Variants in NCEH1 observed in about 807,000 individuals in gnomAD.
The protein encoded by NCEH1 is neutral cholesterol ester hydrolase 1, also known as 2-acetyl MAGE hydrolase.
A neutral mutation model predicts 25.4 loss-of-function variants in NCEH1; 9 were observed. That is an observed-to-expected ratio of 0.35 (90% CI 0.21 to 0.62). NCEH1 has a LOEUF of 0.62. Ranked by LOEUF, NCEH1 falls within the 20% of genes least tolerant of loss-of-function variation. NCEH1 has a pLI of 0.72. For missense variants in NCEH1, 412 were observed against 501.1 expected (o/e 0.82, Z 1.70); for synonymous variants, 200 against 199.8 (o/e 1.00, Z -0.01).
At chr3:172,653,767 T>TTTTTTTTG (rs1560186672) in intron 1 of NCEH1, among the ~76,000 whole-genome samples, 10 of 84,790 alleles carry the variant, frequency 1.2e-4, no homozygotes, top group Middle Eastern at 6.0e-3. Context: ...TTTGTTTTTT[T>TTTTTTTTG]TTTTTTTTGA....
intron 1 of NCEH1, among the ~76,000 whole-genome samples, chr3:172,693,315 T>A (rs1156557483): frequency 6.6e-6 from 1 of 152,168 alleles, no homozygotes; most frequent in Admixed American, 6.5e-5. Flanking sequence ...AACTTCAACA[T>A]CTATAAAAAG....
chr3:172,682,666 C>G (rs895045505), intron 1 of NCEH1, among the ~76,000 whole-genome samples: 4 of 152,218 alleles, frequency 2.6e-5, no homozygotes, highest in South Asian at 2.1e-4. Flanking sequence ...ACCTTCAACA[C>G]TCCTATTTAT....
chr3:172,653,554 G>T (rs1473788969), intron 1 of NCEH1, among the ~76,000 whole-genome samples: 1 of 152,004 alleles, frequency 6.6e-6, no homozygotes, highest in Non-Finnish European at 1.5e-5. Flanking sequence ...CTAGATAAAG[G>T]GTTGCACAAG....
intron 1 of NCEH1, among the ~76,000 whole-genome samples, chr3:172,678,204 G>A (rs1210795178): frequency 6.6e-6 from 1 of 152,326 alleles, no homozygotes; most frequent in South Asian, 2.1e-4. Context: ...TGGTTAGCAG[G>A]AGTTTTGCCT....
chr3:172,667,105 A>G (rs1718247015), intron 1 of NCEH1, among the ~76,000 whole-genome samples: 1 of 152,180 alleles, frequency 6.6e-6, no homozygotes, highest in African/African-American at 2.4e-5. Context: ...ATCAGGCTCT[A>G]GGCTACTTGT....
At chr3:172,664,047 C>T (rs1361387226) in intron 1 of NCEH1, among the ~76,000 whole-genome samples, 1 of 152,172 alleles carries the variant, frequency 6.6e-6, no homozygotes, top group East Asian at 1.9e-4. Context: ...CAGTTTCTTC[C>T]TAGCCTCGAT....
intron 1 of NCEH1, among the ~76,000 whole-genome samples, chr3:172,698,610 A>G (rs1251944803): frequency 6.6e-6 from 1 of 152,260 alleles, no homozygotes; most frequent in African/African-American, 2.4e-5. Flanking sequence ...AAGGGGAAAA[A>G]GAAAAGGCAG....
intron 1 of NCEH1, among the ~76,000 whole-genome samples, chr3:172,661,944 T>C: frequency 6.6e-6 from 1 of 152,236 alleles, no homozygotes; most frequent in Non-Finnish European, 1.5e-5. Flanking sequence ...CTTTTCCTAA[T>C]TGAATACCCT....
At chr3:172,660,441 T>G (rs959149858) in intron 1 of NCEH1, among the ~76,000 whole-genome samples, 31 of 152,198 alleles carry the variant, frequency 2.0e-4, no homozygotes, top group Non-Finnish European at 5.9e-5. Flanking sequence ...AACATACATG[T>G]GCATGTGTCT....
intron 1 of NCEH1, among the ~76,000 whole-genome samples, chr3:172,684,602 C>T (rs1409716071): frequency 6.6e-6 from 1 of 152,156 alleles, no homozygotes; most frequent in Non-Finnish European, 1.5e-5. Flanking sequence ...AGGAGCCAAT[C>T]GAAAGGACAC....
At position 172,711,002 on chromosome 3, in the gene NCEH1, C is replaced by T; in HGVS notation, c.-18G>A. The T allele has an allele frequency of 6.2e-7, 1 of 1,613,878 alleles. No homozygotes were observed. The highest frequency in any genetic ancestry group is 8.5e-7 in the Non-Finnish European group (1 of 1,179,988). ...GACCTCATCTTGCCCTGGCTCGGCT[C>T]GCCAGCGGGCTGGCAAAGAGGAAAG... On this transcript the variant is annotated 5_prime_UTR_variant, in exon 1 of 5. Coordinates refer to ENST00000475381, the MANE Select transcript of NCEH1 (RefSeq NM_020792.6).
chr3:172,643,008 G>A (rs1716933464), intron 3 of NCEH1, among the ~76,000 whole-genome samples: 2 of 151,980 alleles, frequency 1.3e-5, no homozygotes, highest in Non-Finnish European at 2.9e-5. Context: ...GCTCAATCTC[G>A]GCTCACTGCA....
At chr3:172,656,424 T>C (rs574544223) in intron 1 of NCEH1, among the ~76,000 whole-genome samples, 16 of 152,306 alleles carry the variant, frequency 1.1e-4, no homozygotes, top group Non-Finnish European at 1.9e-4. Flanking sequence ...TATCTCTAAA[T>C]AGAATTTGAT....
Position 172,634,036 on chromosome 3 carries a change from T to A in NCEH1, c.666A>T (p.Pro222=). The A allele has an allele frequency of 6.2e-7, 1 of 1,614,184 alleles. No homozygotes were observed. Among genetic ancestry groups the A allele is most frequent in the African/African-American group, 1.3e-5 (1 of 75,052 alleles). The stretch of plus-strand genomic sequence containing the variant: ...TGTTAAAATCTAAAGCTTGAAGAAC[T>A]GGATAAATTAAAGCTTGTAGTTTGA... ...NKLKLQALIY[P]VLQALDFNTP... The change falls in exon 5 of 5, where the codon CCA becomes CCT. Residue 222 remains proline (P), a synonymous_variant. Transcript: ENST00000475381.
intron 1 of NCEH1, among the ~76,000 whole-genome samples, chr3:172,665,237 G>A (rs937845111): frequency 6.6e-6 from 1 of 152,202 alleles, no homozygotes; most frequent in African/African-American, 2.4e-5. Flanking sequence ...CAGGTCTGTT[G>A]GAGTTCGCTG....
At chr3:172,644,653 T>A (rs1271042408) in intron 3 of NCEH1, among the ~76,000 whole-genome samples, 1 of 152,168 alleles carries the variant, frequency 6.6e-6, no homozygotes, top group Non-Finnish European at 1.5e-5. Context: ...GAAAAAGATA[T>A]CAAAATATCT....
At chr3:172,654,422 A>G (rs1320377147) in intron 1 of NCEH1, among the ~76,000 whole-genome samples, 1 of 152,230 alleles carries the variant, frequency 6.6e-6, no homozygotes, top group Admixed American at 6.5e-5. Flanking sequence ...CCTCTGCTCC[A>G]GAAGATCATT....
intron 1 of NCEH1, among the ~76,000 whole-genome samples, chr3:172,679,814 G>A (rs1198229983): frequency 6.6e-6 from 1 of 152,022 alleles, no homozygotes; most frequent in Admixed American, 6.6e-5. Flanking sequence ...TGCCAAGTGT[G>A]ATGGCCGCCT....
At chr3:172,688,888 T>TG (rs1457438950) in intron 1 of NCEH1, among the ~76,000 whole-genome samples, 1 of 152,052 alleles carries the variant, frequency 6.6e-6, no homozygotes, top group Non-Finnish European at 1.5e-5. Context: ...CAAGCAGGGG[T>TG]GGAAGCTGAC....
Sources: allele counts gnomAD v4.1 joint callset (sites outside exome capture counted in the v4.1 genomes callset), GRCh38; gene constraint gnomAD v4.1.1; transcripts MANE v1.5; gene names NCBI Gene and HGNC (gene_info 2026-07-23, HGNC 2026-07-21).